Variants in FOXN3 observed in about 807,000 individuals in gnomAD.
The protein encoded by FOXN3 is forkhead box N3, also known as forkhead box protein N3.
Under a neutral mutation model 38.4 loss-of-function variants are expected in FOXN3, and 7 were observed. The ratio of observed to expected loss-of-function variants is 0.18; its 90% CI spans 0.10 to 0.34. The LOEUF (loss-of-function observed/expected upper bound fraction) is 0.34. Among genes scored for constraint, FOXN3 ranks in the 10% least tolerant of loss-of-function variants. The pLI is 1.00. For missense variants in FOXN3, 456 were observed against 613.4 expected, an observed-to-expected ratio of 0.74 and a Z score of 2.71; for synonymous variants, 230 against 242.2, an observed-to-expected ratio of 0.95 and a Z score of 0.47.
At chr14:89,501,638 G>A (rs1893801783) in intron 1 of FOXN3, among the ~76,000 whole-genome samples, 1 of 152,176 alleles carries the variant, frequency 6.6e-6, no homozygotes, top group African/African-American at 2.4e-5. Flanking sequence ...GCCATCACTG[G>A]CAGAAGCTGT....
chr14:89,332,969 A>G (rs1476925596), intron 3 of FOXN3: 1 of 152,260 alleles, frequency 6.6e-6, no homozygotes, highest in East Asian at 1.9e-4. Context: ...TCCAGCAGGT[A>G]TATGAAAAGG....
chr14:89,323,342 G>A (rs1051866052), intron 3 of FOXN3, among the ~76,000 whole-genome samples: 15 of 151,210 alleles, frequency 9.9e-5, no homozygotes, highest in Non-Finnish European at 1.6e-4. Flanking sequence ...AGTGGGGCAC[G>A]AGTATTTTGA....
At chr14:89,353,538 A>G (rs1326796605) in intron 2 of FOXN3, 3 of 152,002 alleles carry the variant, frequency 2.0e-5, no homozygotes, top group African/African-American at 7.3e-5. Flanking sequence ...CTCTATTTTC[A>G]TCACTCCCTG....
chr14:89,522,693 A>T (rs545112521), intron 1 of FOXN3, among the ~76,000 whole-genome samples: 1 of 152,012 alleles, frequency 6.6e-6, no homozygotes, highest in South Asian at 2.1e-4. Context: ...GAAGATGCAT[A>T]TAAGTGTAAA....
chr14:89,406,516 T>C (rs915837337), intron 2 of FOXN3, among the ~76,000 whole-genome samples: 4 of 152,186 alleles, frequency 2.6e-5, no homozygotes, highest in South Asian at 2.1e-4. Flanking sequence ...GTGCAACTTC[T>C]AGCAAGTTAC....
intron 1 of FOXN3, among the ~76,000 whole-genome samples, chr14:89,524,953 C>T (rs1416787139): frequency 6.6e-6 from 1 of 152,116 alleles, no homozygotes; most frequent in Admixed American, 6.5e-5. Context: ...AAACAAGAGA[C>T]CCTCATAGTT....
At chr14:89,291,670 C>A in intron 3 of FOXN3, 2 of 426,582 alleles carry the variant, frequency 4.7e-6, no homozygotes, top group Non-Finnish European at 4.5e-6. Context: ...CTTCCTGTGG[C>A]CCTTATTGTG....
At chr14:89,390,309 C>CTATA (rs200583711) in intron 2 of FOXN3, among the ~76,000 whole-genome samples, 4 of 128,104 alleles carry the variant, frequency 3.1e-5, no homozygotes, top group South Asian at 2.4e-4. Flanking sequence ...CTCTCTCTCT[C>CTATA]TCTCTATATA....
intron 1 of FOXN3, among the ~76,000 whole-genome samples, chr14:89,525,834 A>G (rs1404973019): frequency 1.3e-5 from 2 of 152,174 alleles, no homozygotes; most frequent in African/African-American, 2.4e-5. Context: ...CTAAAAACCA[A>G]TATCTCTCAT....
intron 1 of FOXN3, among the ~76,000 whole-genome samples, chr14:89,436,289 TAAA>T (rs77915176): frequency 7.4e-6 from 1 of 134,820 alleles, no homozygotes; most frequent in African/African-American, 2.8e-5. Flanking sequence ...GTTTATTCAT[TAAA>T]AAAAAAAAAA....
intron 1 of FOXN3, among the ~76,000 whole-genome samples, chr14:89,476,781 C>A (rs527252901): frequency 2.6e-4 from 39 of 152,334 alleles, no homozygotes; most frequent in East Asian, 1.9e-4. Flanking sequence ...GCTATCCCCC[C>A]ACTCCTTAAA....
chr14:89,274,271 C>G (rs565381821), intron 4 of FOXN3, among the ~76,000 whole-genome samples: 2 of 152,176 alleles, frequency 1.3e-5, no homozygotes, highest in Admixed American at 1.3e-4. Flanking sequence ...GACAGTGACA[C>G]TGAAAATGGA....
chr14:89,352,945 C>T (rs1054967797), intron 2 of FOXN3, among the ~76,000 whole-genome samples: 1 of 152,148 alleles, frequency 6.6e-6, no homozygotes, highest in Non-Finnish European at 1.5e-5. Context: ...GCGGAGATCG[C>T]ACCATTTGCA....
intron 4 of FOXN3, among the ~76,000 whole-genome samples, chr14:89,196,162 T>G (rs1888094053): frequency 6.6e-6 from 1 of 152,244 alleles, no homozygotes; most frequent in Non-Finnish European, 1.5e-5. Flanking sequence ...GTCTTAAAGA[T>G]GTTTTCAAAT....
chr14:89,512,034 G>A (rs1315815900), intron 1 of FOXN3, among the ~76,000 whole-genome samples: 1 of 152,136 alleles, frequency 6.6e-6, no homozygotes, highest in African/African-American at 2.4e-5. Context: ...ATTTGGGTGG[G>A]GACGTGGCCA....
At chr14:89,371,130 A>C (rs1890307545) in intron 2 of FOXN3, among the ~76,000 whole-genome samples, 1 of 152,086 alleles carries the variant, frequency 6.6e-6, no homozygotes, top group African/African-American at 2.4e-5. Flanking sequence ...AGCCTGAGTC[A>C]ATCTGAACAG....
At chr14:89,195,919 C>T (rs1329117019) in intron 4 of FOXN3, among the ~76,000 whole-genome samples, 1 of 152,164 alleles carries the variant, frequency 6.6e-6, no homozygotes, top group Non-Finnish European at 1.5e-5. Context: ...TTCAGTATCA[C>T]ACCAAGCATG....
At chr14:89,466,307 G>C (rs1233509661) in intron 1 of FOXN3, among the ~76,000 whole-genome samples, 1 of 152,076 alleles carries the variant, frequency 6.6e-6, no homozygotes, top group African/African-American at 2.4e-5. Flanking sequence ...CAGACCTCCC[G>C]GGGGCCGCCA....
chr14:89,447,814 CTTTTTTTTTTTTT>C (rs3057950), intron 1 of FOXN3, among the ~76,000 whole-genome samples: 7 of 92,798 alleles, frequency 7.5e-5, no homozygotes, highest in East Asian at 6.1e-4. Context: ...GCCTTTCTTC[CTTTTTTTTTTTTT>C]TTTTTTTTTG....
Sources: gnomAD v4.1 joint callset for allele counts (sites outside exome capture counted in the v4.1 genomes callset) on GRCh38, gnomAD v4.1.1 for gene constraint, MANE v1.5 for transcripts, NCBI Gene and HGNC (gene_info 2026-07-23, HGNC 2026-07-21) for gene names.